The following RLIG1 variants were observed in gnomAD, a reference collection of about 807,000 sequenced individuals.
The protein encoded by RLIG1 is RNA 5'-phosphate and 3'-OH ligase 1, also known as RNA ligase 1.
the RLIG1 span, chr12:88,040,260 A>C: frequency 3.3e-6 from 5 of 1,497,370 alleles, no homozygotes; most frequent in South Asian, 5.9e-5. Context: ...GTTACTACCT[A>C]TAAAGGTAAA....
At chr12:88,036,930 T>A in the RLIG1 span, among the ~76,000 whole-genome samples, 1 of 152,236 alleles carries the variant, frequency 6.6e-6, no homozygotes, top group African/African-American at 2.4e-5. Flanking sequence ...TTCGTATGTT[T>A]GAGGGGAGTA....
At chr12:88,035,884 G>A in the RLIG1 span, 12 of 1,507,596 alleles carry the variant, frequency 8.0e-6, no homozygotes, top group Non-Finnish European at 1.1e-5. Flanking sequence ...GGGGAGGTCT[G>A]GGGTGGGAGT....
At chr12:88,042,908 G>T in the RLIG1 span, 1 of 1,559,604 alleles carries the variant, frequency 6.4e-7, no homozygotes. Flanking sequence ...ACATTCAAAA[G>T]AAAACCCAAA....
chr12:88,047,337 T>C, the RLIG1 span, among the ~76,000 whole-genome samples: 5 of 152,246 alleles, frequency 3.3e-5, no homozygotes, highest in East Asian at 1.9e-4. Context: ...AAGGTAGCAG[T>C]TGATATATAC....
chr12:88,040,388 C>A, the RLIG1 span: 1 of 531,318 alleles, frequency 1.9e-6, no homozygotes, highest in Non-Finnish European at 3.3e-6. Flanking sequence ...AGTAGCAAAA[C>A]AAAAAGGTCA....
At chr12:88,042,506 T>C in the RLIG1 span, 2 of 178,740 alleles carry the variant, frequency 1.1e-5, no homozygotes, top group African/African-American at 2.4e-5. Flanking sequence ...AATACAGTTA[T>C]CTGGTTATGT....
the RLIG1 span, among the ~76,000 whole-genome samples, chr12:88,037,326 C>T: frequency 6.6e-6 from 1 of 152,184 alleles, no homozygotes; most frequent in Non-Finnish European, 1.5e-5. Flanking sequence ...TATTTTAATA[C>T]ACGTACCTTG....
the RLIG1 span, chr12:88,043,660 G>A: frequency 6.2e-7 from 1 of 1,613,152 alleles, no homozygotes; most frequent in Non-Finnish European, 8.5e-7. Flanking sequence ...TACCAGCAAA[G>A]GAGACAGAAC....
At chr12:88,040,299 T>G in the RLIG1 span, 1 of 1,225,326 alleles carries the variant, frequency 8.2e-7, no homozygotes, top group Non-Finnish European at 1.2e-6. Flanking sequence ...CTACAAATAT[T>G]ACTTATTTTT....
the RLIG1 span, among the ~76,000 whole-genome samples, chr12:88,046,386 G>A: frequency 6.6e-6 from 1 of 152,166 alleles, no homozygotes; most frequent in Non-Finnish European, 1.5e-5. Context: ...GGCAAACGTT[G>A]AAGAATAGTT....
the RLIG1 span, chr12:88,048,957 A>T: frequency 3.0e-6 from 1 of 330,636 alleles, no homozygotes; most frequent in South Asian, 1.3e-4. Context: ...AGAGAAATTC[A>T]CCAGAGCTCA....
chr12:88,035,575 C>G, the RLIG1 span: 2 of 1,475,336 alleles, frequency 1.4e-6, no homozygotes, highest in African/African-American at 1.4e-5. Context: ...GTGACTGCTT[C>G]AGGGCTTCTC....
At chr12:88,047,939 A>G in the RLIG1 span, among the ~76,000 whole-genome samples, 21 of 152,100 alleles carry the variant, frequency 1.4e-4, no homozygotes, top group Admixed American at 9.2e-4. Flanking sequence ...AACAGGCTCT[A>G]TGATTCATAA....
At chr12:88,039,055 G>A in the RLIG1 span, among the ~76,000 whole-genome samples, 1 of 152,136 alleles carries the variant, frequency 6.6e-6, no homozygotes, top group Non-Finnish European at 1.5e-5. Context: ...GAGACAAGAA[G>A]TATGCCAAAA....
the RLIG1 span, among the ~76,000 whole-genome samples, chr12:88,038,306 C>A: frequency 1.3e-5 from 2 of 152,194 alleles, no homozygotes; most frequent in Middle Eastern, 3.4e-3. Flanking sequence ...TTTTTATATT[C>A]TGCCTGCATA....
chr12:88,043,064 A>G, the RLIG1 span: 5 of 419,152 alleles, frequency 1.2e-5, no homozygotes, highest in African/African-American at 2.1e-5. Flanking sequence ...ATATAAAAGG[A>G]TATTATTGAA....
At chr12:88,050,157 C>A in the RLIG1 span, 1 of 457,038 alleles carries the variant, frequency 2.2e-6, no homozygotes. Context: ...ACTACTTAAT[C>A]CTATGTTGAG....
At chr12:88,037,584 C>G in the RLIG1 span, among the ~76,000 whole-genome samples, 1 of 152,074 alleles carries the variant, frequency 6.6e-6, no homozygotes, top group Admixed American at 6.6e-5. Context: ...GCTCTACCAC[C>G]CTGGGTTAAA....
At chr12:88,036,550 C>T in the RLIG1 span, among the ~76,000 whole-genome samples, 1 of 152,178 alleles carries the variant, frequency 6.6e-6, no homozygotes, top group Admixed American at 6.5e-5. Flanking sequence ...TTAGTCCCAG[C>T]TTCTAGGACC....
Sources: gnomAD v4.1 joint callset for allele counts (sites outside exome capture counted in the v4.1 genomes callset) on GRCh38, gnomAD v4.1.1 for gene constraint, MANE v1.5 for transcripts, NCBI Gene and HGNC (gene_info 2026-07-23, HGNC 2026-07-21) for gene names.